ERI3: variants seen among roughly 807,000 people sequenced by gnomAD.
ERI3 encodes the protein ERI1 exoribonuclease 3.
In ERI3, 18 loss-of-function variants were observed where a neutral mutation model predicts 44.4. The ratio of observed to expected loss-of-function variants is 0.41; its 90% confidence interval spans 0.28 to 0.60. The LOEUF is 0.60. Among genes scored for constraint, ERI3 ranks in the 20% least tolerant of loss-of-function variants. ERI3 has a pLI of 0.36. For missense variants in ERI3, 294 were observed against 435.5 expected (o/e 0.68, Z 2.89); for synonymous variants, 183 against 164.8 (o/e 1.11, Z -0.84).
intron 7 of ERI3, among the ~76,000 whole-genome samples, chr1:44,283,652 GCAAACAAACCAAGTGC>G (rs1645333689): frequency 6.6e-6 from 1 of 152,160 alleles, no homozygotes; most frequent in African/African-American, 2.4e-5. Context: ...GAGTCAAACT[GCAAACAAACCAAGTGC>G]AAAGCACCTG....
At chr1:44,322,585 C>G in intron 3 of ERI3, 1 of 1,148,834 alleles carries the variant, frequency 8.7e-7, no homozygotes, top group African/African-American at 1.6e-5. Context: ...CCTTCCTCCA[C>G]AACATGAGGA....
At chr1:44,314,894 C>T (rs949404773) in intron 4 of ERI3, among the ~76,000 whole-genome samples, 1 of 152,248 alleles carries the variant, frequency 6.6e-6, no homozygotes, top group Non-Finnish European at 1.5e-5. Context: ...TACCGAGAGC[C>T]TCTACATCTT....
intron 3 of ERI3, chr1:44,322,907 C>G: frequency 6.6e-7 from 1 of 1,522,196 alleles, no homozygotes; most frequent in Non-Finnish European, 8.8e-7. Flanking sequence ...GAGATGGAAC[C>G]CCAACACTAC....
At chr1:44,310,963 G>GCGCGCGCGCGCGCGCACACACACACACA (rs1373873768) in intron 5 of ERI3, among the ~76,000 whole-genome samples, 4 of 123,200 alleles carry the variant, frequency 3.2e-5, no homozygotes, top group Non-Finnish European at 6.8e-5. Flanking sequence ...GCGCGCGCGC[G>GCGCGCGCGCGCGCGCACACACACACACA]CACACACACA....
rs570803713 is a variant in ERI3, at chr1:44,252,408, G to A, written c.832-4370C>T. ...AGCTTAGTGGCCAGCCATCTGCGAC[G>A]GGCCTGCCGCATAGCCCTGCTGTAG... On this transcript the variant is annotated intron_variant, in intron 7 of 8. Coordinates refer to ENST00000372257, the MANE Select transcript of ERI3 (RefSeq NM_024066.3). The surrounding 1 kb of genome is among the most constrained non-coding windows in gnomAD (Gnocchi z 4.7). Among the ~76,000 whole-genome samples, 6 of 152,332 alleles carry A rather than the reference G, an allele frequency of 3.9e-5. No individual in the cohort carries two copies. Among genetic ancestry groups the A allele is most frequent in the Admixed American group, 6.5e-5 (1 of 15,306 alleles).
Position 44,328,440 on chromosome 1 carries a change from G to C in ERI3, c.490-8696C>G, listed in dbSNP as rs573091182. Among the ~76,000 whole-genome samples the C allele has an allele frequency of 2.4e-4, 37 of 152,108 alleles. 1 individual carries two copies. In the South Asian group the frequency reaches 3.7e-3, roughly 15 times the overall value. On this transcript the variant is annotated intron_variant, in intron 3 of 8. Coordinates refer to ENST00000372257, the MANE Select transcript of ERI3 (RefSeq NM_024066.3). Reference sequence around the variant, plus strand: ...TCAGAATCAGAAGCCCTGGGGATGGGGCCAACAGCCTTGGTTTTAACAGCC... The same window carrying C: ...TCAGAATCAGAAGCCCTGGGGATGGCGCCAACAGCCTTGGTTTTAACAGCC...
At chr1:44,313,332 G>A in intron 4 of ERI3, 104 bp from the exon 5 acceptor site, 2 of 1,061,040 alleles carry the variant, frequency 1.9e-6, no homozygotes, top group Admixed American at 4.2e-5. Flanking sequence ...GTTGTAAAGG[G>A]CTCTGATCTG....
At chr1:44,296,941 C>T (rs1645623768) in intron 6 of ERI3, among the ~76,000 whole-genome samples, 1 of 152,194 alleles carries the variant, frequency 6.6e-6, no homozygotes, top group African/African-American at 2.4e-5. Flanking sequence ...CTCCTCCAGT[C>T]CTGCTCTAAT....
At chr1:44,289,109 C>T (rs1645453044) in intron 6 of ERI3, among the ~76,000 whole-genome samples, 1 of 152,156 alleles carries the variant, frequency 6.6e-6, no homozygotes, top group Admixed American at 6.5e-5. Flanking sequence ...GTGTGATTTC[C>T]CCTTCTTTAT....
intron 7 of ERI3, among the ~76,000 whole-genome samples, chr1:44,280,222 C>T (rs1183657114): frequency 6.6e-6 from 1 of 152,198 alleles, no homozygotes; most frequent in Non-Finnish European, 1.5e-5. Flanking sequence ...TAAAACTATG[C>T]TACCATTTTT....
At chr1:44,272,436 C>G (rs941497919) in intron 7 of ERI3, among the ~76,000 whole-genome samples, 2 of 152,308 alleles carry the variant, frequency 1.3e-5, no homozygotes, top group African/African-American at 4.8e-5. Context: ...AGCCACATCC[C>G]ACCTCCCCAG....
intron 7 of ERI3, among the ~76,000 whole-genome samples, chr1:44,260,383 C>T (rs1282864768): frequency 6.6e-6 from 1 of 152,186 alleles, no homozygotes; most frequent in African/African-American, 2.4e-5. Context: ...ACACAGACTG[C>T]GGATTGAGCA....
At chr1:44,333,330 C>T (rs771556175) in intron 3 of ERI3, among the ~76,000 whole-genome samples, 37 of 152,334 alleles carry the variant, frequency 2.4e-4, no homozygotes, top group Admixed American at 1.3e-3. Context: ...TCAGCGCCTT[C>T]GCCTGTCTGT....
chr1:44,343,511 C>T (rs2154331767), intron 2 of ERI3, among the ~76,000 whole-genome samples: 1 of 152,304 alleles, frequency 6.6e-6, no homozygotes, highest in South Asian at 2.1e-4. Flanking sequence ...AAATGTCACA[C>T]AAACCCTAAT....
At chr1:44,326,486 G>T (rs1016877501) in intron 3 of ERI3, among the ~76,000 whole-genome samples, 5 of 152,222 alleles carry the variant, frequency 3.3e-5, no homozygotes, top group African/African-American at 1.2e-4. Context: ...TTACACCACA[G>T]TCTGCTCCTA....
intron 2 of ERI3, among the ~76,000 whole-genome samples, chr1:44,342,870 T>TTTTA (rs1646711407): frequency 1.5e-5 from 1 of 68,088 alleles, no homozygotes; most frequent in Non-Finnish European, 3.1e-5. Context: ...TTTTTTTTTT[T>TTTTA]TTTTTTTTTT....
intron 8 of ERI3, among the ~76,000 whole-genome samples, chr1:44,225,035 A>G (rs908042408): frequency 1.6e-4 from 24 of 152,356 alleles, no homozygotes; most frequent in African/African-American, 5.0e-4. Flanking sequence ...TAATAGGCCA[A>G]AAATTCAGAG....
chr1:44,283,183 C>G (rs1645324232), intron 7 of ERI3, among the ~76,000 whole-genome samples: 2 of 152,214 alleles, frequency 1.3e-5, no homozygotes, highest in South Asian at 4.1e-4. Context: ...CTAGCCCCAC[C>G]ACATGCCTAG....
Position 44,354,936 on chromosome 1 carries a change from G to C in ERI3, c.91C>G (p.Leu31Val). 1 of 1,335,124 alleles carries C rather than the reference G, an allele frequency of 7.5e-7. No homozygotes were observed. The highest frequency in any genetic ancestry group is 2.8e-5 in the East Asian group (1 of 35,860). 82.7% of individuals were successfully genotyped at this position (1,335,124 alleles called of 1,614,324 possible). A position where few individuals can be genotyped will look rare whatever the true frequency, so the allele number is the denominator to read the frequency against. Reference protein sequence around the residue: ...VSWPPAPPLTLPWTWMGPSWG... With the variant: ...VSWPPAPPLTVPWTWMGPSWG... ...CTCGGGCCCATCCAAGTCCAGGGGAGAGTAAGGGGAGGGGCGGGGGGCCAG... is the reference window on the plus strand; with the variant it reads ...CTCGGGCCCATCCAAGTCCAGGGGACAGTAAGGGGAGGGGCGGGGGGCCAG... The change falls in exon 1 of 9, where the codon CTC becomes GTC. Residue 31 changes from leucine to valine, a missense_variant. Physicochemically the swap from Leu to Val is conservative, Grantham distance 32. Around this residue, in one of 2 missense-constraint regions of ERI3, gnomAD observed 107 missense variants for 96.9 expected, o/e 1.10. Transcript: ENST00000372257.
Sources: gnomAD v4.1 joint callset for allele counts (sites outside exome capture counted in the v4.1 genomes callset) on GRCh38, gnomAD v4.1.1 for gene constraint, gnomAD v4.1.1 regional missense constraint, Gnocchi (gnomAD v3.1) non-coding constraint, MANE v1.5 for transcripts, NCBI Gene and HGNC (gene_info 2026-07-23, HGNC 2026-07-21) for gene names.